CIAPIN1: variants seen among roughly 807,000 people sequenced by gnomAD.
CIAPIN1 encodes the protein anamorsin.
A neutral mutation model predicts 34.3 loss-of-function variants in CIAPIN1; 18 were observed. The ratio of observed to expected loss-of-function variants is 0.52; its 90% CI spans 0.36 to 0.78. The LOEUF is 0.78. Ranked by LOEUF, CIAPIN1 falls within the 30% of genes least tolerant of loss-of-function variation. The probability of loss-of-function intolerance (pLI) is 0.00; values close to 1 mark genes in which losing one functional copy is unlikely to be tolerated. For missense variants in CIAPIN1, 310 were observed against 372.5 expected (o/e 0.83, Z 1.38); for synonymous variants, 131 against 140.4 (o/e 0.93, Z 0.47).
At chr16:57,433,346 C>T (rs766979165) in intron 5 of CIAPIN1, among the ~76,000 whole-genome samples, 2 of 152,230 alleles carry the variant, frequency 1.3e-5, no homozygotes, top group African/African-American at 4.8e-5. Context: ...TATTCCTACC[C>T]ATTCTGGAAC....
At chr16:57,436,112 T>A (rs1903192883) in intron 4 of CIAPIN1, among the ~76,000 whole-genome samples, 1 of 152,224 alleles carries the variant, frequency 6.6e-6, no homozygotes, top group Non-Finnish European at 1.5e-5. Flanking sequence ...CTGCTGCTCA[T>A]GCCCCTCAGC....
At chr16:57,430,536 C>T (rs929374255) in intron 7 of CIAPIN1, 197 bp from the exon 8 acceptor site, 24 of 589,122 alleles carry the variant, frequency 4.1e-5, no homozygotes, top group African/African-American at 2.6e-4. Flanking sequence ...AGGGAAGTAC[C>T]GTGTGTGCTC....
intron 4 of CIAPIN1, among the ~76,000 whole-genome samples, chr16:57,435,610 T>C (rs913191628): frequency 3.4e-4 from 52 of 152,198 alleles, no homozygotes; most frequent in Middle Eastern, 3.4e-3. Flanking sequence ...CTGGCCAACA[T>C]AGCGAAACCC....
At chr16:57,443,824 A>G (rs2029948308) in intron 1 of CIAPIN1, among the ~76,000 whole-genome samples, 1 of 152,200 alleles carries the variant, frequency 6.6e-6, no homozygotes, top group African/African-American at 2.4e-5. Flanking sequence ...GATGTCGAGG[A>G]AGAACCCTTG....
intron 1 of CIAPIN1, among the ~76,000 whole-genome samples, chr16:57,445,154 G>A (rs551775329): frequency 2.6e-4 from 40 of 152,162 alleles, no homozygotes; most frequent in African/African-American, 8.4e-4. Flanking sequence ...TCTTTAACTC[G>A]GGTGCATAAA....
chr16:57,434,164 G>A lies in CIAPIN1; in HGVS notation c.436C>T (p.His146Tyr). 6.2e-7 allele frequency: 1 copy of A among 1,614,156 alleles called. No homozygotes were observed. Among genetic ancestry groups the A allele is most frequent in the East Asian group, 2.2e-5 (1 of 44,878 alleles). ...TPEEVQSVRE[H>Y]LGHESDNLLF... is the part of the protein sequence containing the mutation. ...AGGTTGTCACTTTCATGACCAAGGT[G>A]TTCTCGAACAGACTGTACTTCCTCA... Residue 146 changes from histidine (H) to tyrosine (Y), a missense_variant, in exon 5 of 9, where the codon CAC becomes TAC. By Grantham distance (83) the His-to-Tyr change is moderately conservative (BLOSUM62 2). Transcript: ENST00000394391.
intron 7 of CIAPIN1, 168 bp from the exon 8 acceptor site, chr16:57,430,507 C>T (rs1487289269): frequency 4.8e-6 from 3 of 630,016 alleles, no homozygotes; most frequent in Admixed American, 5.4e-5. Flanking sequence ...CTGAGGGAGA[C>T]AGAAGTGGGA....
intron 3 of CIAPIN1, among the ~76,000 whole-genome samples, 195 bp from the exon 4 acceptor site, chr16:57,436,927 TG>T (rs1369734060): frequency 6.6e-6 from 1 of 151,896 alleles, no homozygotes; most frequent in East Asian, 1.9e-4. Flanking sequence ...AAGACCAATC[TG>T]GGGCCAACAT....
chr16:57,430,152 G>A (rs570636254), intron 8 of CIAPIN1, 106 bp downstream of exon 8: 58 of 958,426 alleles, frequency 6.1e-5, no homozygotes, highest in East Asian at 4.8e-4. Flanking sequence ...TCACGCATTC[G>A]TCTGTTACTA....
In CIAPIN1 at chr16:57,428,569, T is replaced by C. The variant is rs1466257377; in HGVS notation, c.*601A>G. On this transcript the variant is annotated 3_prime_UTR_variant, in exon 9 of 9. Coordinates refer to ENST00000394391, the MANE Select transcript of CIAPIN1 (RefSeq NM_020313.4). ...AAGATATGTCAAGATATGCAGCAAG[T>C]TTAATACCTGAAGGTTAACATAAAT... 1.3e-5 allele frequency: 2 copies of C among 152,274 alleles called. No homozygotes were observed. The highest frequency in any genetic ancestry group is 2.9e-5 in the Non-Finnish European group (2 of 68,114). The allele number at this position is 152,274 out of a possible 1,614,324, so 9.4% of individuals were successfully genotyped here.
intron 6 of CIAPIN1, among the ~76,000 whole-genome samples, 191 bp downstream of exon 6, chr16:57,432,296 G>C (rs1280927510): frequency 6.6e-6 from 1 of 151,602 alleles, no homozygotes; most frequent in Non-Finnish European, 1.5e-5. Context: ...TTGGGCAAGA[G>C]AGCGAGACTG....
At position 57,431,359 on chromosome 16, in the gene CIAPIN1, C is replaced by T. The variant is rs939431916; in HGVS notation, c.631-93G>A. The T allele has an allele frequency of 1.2e-4, 100 of 801,228 alleles. 2 individuals carry two copies. In the South Asian group the frequency reaches 1.4e-3, roughly 11 times the overall value. The allele number at this position is 801,228 out of a possible 1,614,324, so 49.6% of individuals were successfully genotyped here. On this transcript the variant is annotated intron_variant, in intron 6 of 8. Coordinates refer to ENST00000394391, the MANE Select transcript of CIAPIN1 (RefSeq NM_020313.4). ...CAGGCTTCGAGAGGAAACTTGGAGTCCAGGGTAAAGAAGGTGTCCACCCTG... is the reference window on the plus strand; with the variant it reads ...CAGGCTTCGAGAGGAAACTTGGAGTTCAGGGTAAAGAAGGTGTCCACCCTG...
In CIAPIN1 at chr16:57,439,165, A is replaced by G. The variant is rs1903269352; in HGVS notation, c.310+17T>C. ...TCAACCCTGTCAAACATGTTTTCCAAGTGAAGATCTCCTTACCTACAGCTG... is the reference window on the plus strand; with the variant it reads ...TCAACCCTGTCAAACATGTTTTCCAGGTGAAGATCTCCTTACCTACAGCTG... On this transcript the variant is annotated intron_variant, in intron 3 of 8. Transcript: ENST00000394391. 1 of 1,612,600 alleles carries G rather than the reference A, an allele frequency of 6.2e-7. No individual in the cohort carries two copies. The highest frequency in any genetic ancestry group is 1.7e-5 in the Admixed American group (1 of 60,002).
chr16:57,446,956 G>A (rs1386917884), intron 1 of CIAPIN1, among the ~76,000 whole-genome samples: 1 of 152,198 alleles, frequency 6.6e-6, no homozygotes, highest in Admixed American at 6.5e-5. Flanking sequence ...AAAACGTCAC[G>A]GGGACTGAGG....
rs1427031910 is a variant in CIAPIN1, at chr16:57,428,481, G to A, written c.*689C>T. The A allele has an allele frequency of 6.6e-6, 1 of 152,226 alleles. No homozygotes were observed. Among genetic ancestry groups the A allele is most frequent in the Non-Finnish European group, 1.5e-5 (1 of 68,070 alleles). 9.4% of individuals were successfully genotyped at this position (152,226 alleles called of 1,614,324 possible). A position where few individuals can be genotyped will look rare whatever the true frequency, so the allele number is the denominator to read the frequency against. Reference sequence around the variant, plus strand: ...CCTCCAATGGTCCAAACTGAGCGTGGATGACTATCCAACATCACACACAAA... The same window carrying A: ...CCTCCAATGGTCCAAACTGAGCGTGAATGACTATCCAACATCACACACAAA... On this transcript the variant is annotated 3_prime_UTR_variant, in exon 9 of 9. Coordinates refer to ENST00000394391, the MANE Select transcript of CIAPIN1 (RefSeq NM_020313.4).
At chr16:57,438,828 T>C (rs1598026850) in intron 3 of CIAPIN1, among the ~76,000 whole-genome samples, 1 of 152,244 alleles carries the variant, frequency 6.6e-6, no homozygotes, top group East Asian at 1.9e-4. Context: ...TTGGCTTTTT[T>C]CACTCAGCTA....
chr16:57,442,977 A>C (rs927756515), intron 1 of CIAPIN1, among the ~76,000 whole-genome samples: 2 of 151,666 alleles, frequency 1.3e-5, no homozygotes, highest in Non-Finnish European at 2.9e-5. Flanking sequence ...CTTCCATATG[A>C]TCCAACTGCA....
At chr16:57,440,573 G>A (rs11866771) in intron 2 of CIAPIN1, among the ~76,000 whole-genome samples, 199 bp downstream of exon 2, 3 of 152,230 alleles carry the variant, frequency 2.0e-5, no homozygotes, top group South Asian at 4.2e-4. Context: ...CCGACACTTA[G>A]GGAAAATAGA....
At chr16:57,440,733 C>A in intron 2 of CIAPIN1, 39 bp downstream of exon 2, 2 of 1,557,860 alleles carry the variant, frequency 1.3e-6, no homozygotes, top group South Asian at 1.2e-5. Context: ...CCATGGAAAC[C>A]CCTCCAGCCT....
Sources: allele counts gnomAD v4.1 joint callset (sites outside exome capture counted in the v4.1 genomes callset), GRCh38; gene constraint gnomAD v4.1.1; transcripts MANE v1.5; gene names NCBI Gene and HGNC (gene_info 2026-07-23, HGNC 2026-07-21).